Variants in NEK4 observed in about 807,000 individuals in gnomAD.
NEK4 encodes NIMA related kinase 4.
A neutral mutation model predicts 98.4 loss-of-function variants in NEK4; 86 were observed. That is an observed-to-expected ratio of 0.87 (90% CI 0.73 to 1.05). The LOEUF is 1.05. Ranked by LOEUF, NEK4 falls within the 50% of genes least tolerant of loss-of-function variation. NEK4 has a pLI of 0.00. For missense variants in NEK4, 898 were observed against 950.3 expected, an observed-to-expected ratio of 0.94 and a Z score of 0.72; for synonymous variants, 328 against 342.2, an observed-to-expected ratio of 0.96 and a Z score of 0.46.
intron 4 of NEK4, among the ~76,000 whole-genome samples, chr3:52,764,883 G>C (rs1056067416): frequency 6.6e-6 from 1 of 152,114 alleles, no homozygotes; most frequent in African/African-American, 2.4e-5. Context: ...ATCTTCCAGG[G>C]AATGGGAATA....
intron 2 of NEK4, 136 bp from the exon 3 acceptor site, chr3:52,766,511 A>G (rs896551247): frequency 1.3e-5 from 8 of 633,092 alleles, no homozygotes; most frequent in Non-Finnish European, 2.2e-5. Context: ...ACAATTCCTT[A>G]TTCAACAAGC....
intron 2 of NEK4, among the ~76,000 whole-genome samples, chr3:52,766,714 C>T (rs531983906): frequency 1.3e-5 from 2 of 151,384 alleles, no homozygotes; most frequent in East Asian, 1.9e-4. Flanking sequence ...AAGCCGGGCG[C>T]AGTGGCTCAC....
At chr3:52,723,411 T>C (rs569792722) in intron 15 of NEK4, among the ~76,000 whole-genome samples, 2 of 152,214 alleles carry the variant, frequency 1.3e-5, no homozygotes, top group South Asian at 2.1e-4. Context: ...CCGTGCCTAA[T>C]TGTTGTACTT....
chr3:52,746,770 T>C lies in NEK4; in HGVS notation c.1641A>G (p.Arg547=), dbSNP rs147428920. Residue 547 remains arginine, a synonymous_variant, in exon 9 of 16, where the codon AGA becomes AGG. Transcript: ENST00000233027. ...RQKRREQTEH[R]GEKRQVRRDL... Reference sequence around the variant, plus strand: ...CTCTGCGGACCTGTCTCTTTTCCCCTCTGTGCTCAGTCTGTTCTCTCCTCT... The same window carrying C: ...CTCTGCGGACCTGTCTCTTTTCCCCCCTGTGCTCAGTCTGTTCTCTCCTCT... The C allele has an allele frequency of 8.7e-5, 140 of 1,614,070 alleles. No individual in the cohort carries two copies. The highest frequency in any genetic ancestry group is 1.1e-4 in the Non-Finnish European group (134 of 1,179,972).
At chr3:52,721,665 C>T (rs1291653154) in intron 15 of NEK4, among the ~76,000 whole-genome samples, 21 of 150,738 alleles carry the variant, frequency 1.4e-4, no homozygotes. Flanking sequence ...AAGTCCAGGA[C>T]GCAAAGGCTG....
At chr3:52,733,001 T>C (rs948882942) in intron 15 of NEK4, 11 of 215,134 alleles carry the variant, frequency 5.1e-5, no homozygotes, top group Admixed American at 3.1e-4. Context: ...AGTTCCTCAG[T>C]TCCACCACTT....
chr3:52,738,055 C>T (rs1355865138), intron 14 of NEK4, among the ~76,000 whole-genome samples: 1 of 152,048 alleles, frequency 6.6e-6, no homozygotes, highest in Non-Finnish European at 1.5e-5. Flanking sequence ...CCTCGTGACC[C>T]ACCCACCTCA....
intron 6 of NEK4, chr3:52,753,515 G>C (rs1285352557): frequency 2.2e-6 from 1 of 459,158 alleles, no homozygotes; most frequent in South Asian, 1.7e-5. Context: ...TCTTTGTTTG[G>C]AGTACACATT....
Position 52,711,672 on chromosome 3 carries a change from TAA to T in NEK4, c.*103_*104del, listed in dbSNP as rs2097350525. The T allele has an allele frequency of 1.4e-6, 1 of 692,286 alleles. No homozygotes were observed. Among genetic ancestry groups the T allele is most frequent in the Non-Finnish European group, 2.6e-6 (1 of 385,454 alleles). The allele number at this position is 692,286 out of a possible 1,614,324, so 42.9% of individuals were successfully genotyped here. On this transcript the variant is annotated 3_prime_UTR_variant, in exon 16 of 16. Coordinates refer to ENST00000233027, the MANE Select transcript of NEK4 (RefSeq NM_003157.6). ...GCCAAAGAGATATAAAAAAGAGATA[TAA>T]AACAGTGGTGAGTGGCTTCCAAATG... is the stretch of plus-strand genomic sequence containing the variant.
chr3:52,741,453 G>C lies in NEK4; in HGVS notation c.2051C>G (p.Ser684Cys). 1 of 1,611,298 alleles carries C rather than the reference G, an allele frequency of 6.2e-7. No homozygotes were observed. Among genetic ancestry groups the C allele is most frequent in the Non-Finnish European group, 8.5e-7 (1 of 1,177,534 alleles). ...HCLSEDELSS[S>C]TSSTDKSDGD... ...ATCTGACTTATCAGTTGAACTTGTAGAAGAACTTAACTCATCCTCAGACAG... is the reference window on the plus strand; with the variant it reads ...ATCTGACTTATCAGTTGAACTTGTACAAGAACTTAACTCATCCTCAGACAG... The change falls in exon 13 of 16, where the codon TCT becomes TGT. Residue 684 changes from serine (S) to cysteine (C), a missense_variant. Transcript: ENST00000233027.
At position 52,770,708 on chromosome 3, in the gene NEK4, GC is replaced by G; in HGVS notation, c.38del (p.Gly13AlafsTer8). The G allele has an allele frequency of 1.3e-6, 2 of 1,578,132 alleles. No individual in the cohort carries two copies. Among genetic ancestry groups the G allele is most frequent in the South Asian group, 1.2e-5 (1 of 86,174 alleles). On this transcript the variant is annotated frameshift_variant, in exon 1 of 16. Coordinates refer to ENST00000233027, the MANE Select transcript of NEK4 (RefSeq NM_003157.6). LOFTEE classifies it high-confidence loss of function. ...LAAYCYLRVVGKGSYGEVTLV... is the reference protein window; with the variant it reads ...LAAYCYLRVVXKGSYGEVTLV... ...GCGTCACCTCTCCATAGCTCCCCTT[GC>G]CCACGACCCGCAGGTAGCAGTAGGC...
rs747764051 is a variant in NEK4, at chr3:52,711,745, C to A, written c.*32G>T. On this transcript the variant is annotated 3_prime_UTR_variant, in exon 16 of 16. Coordinates refer to ENST00000233027, the MANE Select transcript of NEK4 (RefSeq NM_003157.6). ...AAGCCAAAATCCTCTAAAAATAGGT[C>A]TTTAATTCTGGCAGCAGATTAGGAC... 6 of 1,408,958 alleles carry A rather than the reference C, an allele frequency of 4.3e-6. No homozygotes were observed. Among genetic ancestry groups the A allele is most frequent in the Middle Eastern group, 1.8e-4 (1 of 5,666 alleles). 87.3% of individuals were successfully genotyped at this position (1,408,958 alleles called of 1,614,324 possible).
chr3:52,734,400 A>G (rs998106012), intron 15 of NEK4, among the ~76,000 whole-genome samples: 1 of 148,254 alleles, frequency 6.7e-6, no homozygotes, highest in Non-Finnish European at 1.5e-5. Context: ...CGGTGAGCCA[A>G]TATCATGCCA....
At chr3:52,769,426 C>T (rs762451288) in intron 1 of NEK4, among the ~76,000 whole-genome samples, 3 of 152,150 alleles carry the variant, frequency 2.0e-5, no homozygotes, top group Non-Finnish European at 2.9e-5. Context: ...AATCAATAGC[C>T]TCTAATACCT....
At chr3:52,735,552 G>A (rs900907190) in intron 15 of NEK4, among the ~76,000 whole-genome samples, 1 of 152,166 alleles carries the variant, frequency 6.6e-6, no homozygotes, top group Admixed American at 6.6e-5. Flanking sequence ...TAAGAAATGT[G>A]TTTTACGATC....
Position 52,711,882 on chromosome 3 carries a change from C to A in NEK4, c.2434-13G>T. The A allele has an allele frequency of 1.3e-6, 2 of 1,522,216 alleles. No homozygotes were observed. The highest frequency in any genetic ancestry group is 1.8e-6 in the Non-Finnish European group (2 of 1,102,532). 94.3% of individuals were successfully genotyped at this position (1,522,216 alleles called of 1,614,324 possible). A position where few individuals can be genotyped will look rare whatever the true frequency, so the allele number is the denominator to read the frequency against. On this transcript the variant is annotated splice_polypyrimidine_tract_variant and intron_variant, in intron 15 of 15. Coordinates refer to ENST00000233027, the MANE Select transcript of NEK4 (RefSeq NM_003157.6). The stretch of plus-strand genomic sequence containing the variant: ...CCCGCAAACGTACCTATTTGAGAAA[C>A]AAAAAGAAAATCAATCAGTATGTAG...
At chr3:52,731,902 T>C (rs1455247344) in intron 15 of NEK4, among the ~76,000 whole-genome samples, 2 of 152,206 alleles carry the variant, frequency 1.3e-5, no homozygotes, top group African/African-American at 2.4e-5. Context: ...GGTTTTCCCA[T>C]GCGGTTCTCA....
At chr3:52,733,724 T>C (rs922314727) in intron 15 of NEK4, 1 of 445,810 alleles carries the variant, frequency 2.2e-6, no homozygotes, top group African/African-American at 2.0e-5. Context: ...ACACAAGTTA[T>C]ACCTAATCAA....
At chr3:52,751,789 G>C (rs2097405532) in intron 7 of NEK4, 143 bp downstream of exon 7, 15 of 809,672 alleles carry the variant, frequency 1.9e-5, no homozygotes, top group Non-Finnish European at 2.1e-5. Flanking sequence ...GTTTCTTTTT[G>C]GTTTGATGCA....
Sources: allele counts gnomAD v4.1 joint callset (sites outside exome capture counted in the v4.1 genomes callset), GRCh38; gene constraint gnomAD v4.1.1; transcripts MANE v1.5; gene names NCBI Gene and HGNC (gene_info 2026-07-23, HGNC 2026-07-21).